Variants in FGD3 observed in about 807,000 individuals in gnomAD.
FGD3 encodes the protein FYVE, RhoGEF and PH domain containing 3, also known as FYVE, RhoGEF and PH domain-containing protein 3.
In FGD3, 45 loss-of-function variants were observed where a neutral mutation model predicts 71.8. That is an observed-to-expected ratio of 0.63 (90% CI 0.49 to 0.80). The LOEUF (loss-of-function observed/expected upper bound fraction) is 0.80. Ranked by LOEUF, FGD3 falls within the 30% of genes least tolerant of loss-of-function variation. FGD3 has a pLI of 0.00. For missense variants in FGD3, 844 were observed against 951.5 expected, an observed-to-expected ratio of 0.89 and a Z score of 1.49; for synonymous variants, 378 against 392.8, an observed-to-expected ratio of 0.96 and a Z score of 0.44.
intron 7 of FGD3, 30 bp from the exon 8 acceptor site, chr9:93,011,184 C>A (rs755633698): frequency 6.2e-7 from 1 of 1,613,358 alleles, no homozygotes; most frequent in South Asian, 1.1e-5. Flanking sequence ...CCACCGTGGC[C>A]CCAGGCTGAA....
intron 1 of FGD3, among the ~76,000 whole-genome samples, chr9:92,971,873 T>C (rs966643417): frequency 2.6e-5 from 4 of 151,804 alleles, no homozygotes; most frequent in African/African-American, 9.7e-5. Context: ...ATCAAGGTAA[T>C]GAATATGTGT....
chr9:92,954,846 G>T (rs751362061), intron 1 of FGD3, among the ~76,000 whole-genome samples: 39 of 152,192 alleles, frequency 2.6e-4, no homozygotes, highest in Non-Finnish European at 4.1e-4. Context: ...TAGGCTCTGA[G>T]TATCGTGGCC....
chr9:93,013,746 C>A, intron 8 of FGD3, 106 bp from the exon 9 acceptor site: 1 of 1,424,888 alleles, frequency 7.0e-7, no homozygotes, highest in Non-Finnish European at 9.8e-7. Flanking sequence ...TAGCTCATTG[C>A]CCTCTCTGGA....
chr9:92,970,839 A>G (rs923146207), intron 1 of FGD3, among the ~76,000 whole-genome samples: 4 of 152,360 alleles, frequency 2.6e-5, no homozygotes, highest in Admixed American at 1.3e-4. Flanking sequence ...AAGGCCAGGC[A>G]GTGGCCACAC....
intron 12 of FGD3, 144 bp from the exon 13 acceptor site, chr9:93,020,173 G>A: frequency 1.4e-6 from 1 of 736,744 alleles, no homozygotes. Context: ...TCATTGGTAG[G>A]GGGGAAGGGA....
chr9:93,006,299 T>C, intron 6 of FGD3, 119 bp downstream of exon 6: 1 of 1,147,284 alleles, frequency 8.7e-7, no homozygotes, highest in Non-Finnish European at 1.1e-6. Context: ...AACATGACAT[T>C]ACTAAAATTT....
chr9:93,015,923 C>G (rs1460488621), intron 10 of FGD3, 94 bp downstream of exon 10: 1 of 1,099,966 alleles, frequency 9.1e-7, no homozygotes, highest in African/African-American at 1.5e-5. Context: ...GCACTCACCT[C>G]TGTGCAGCCT....
In FGD3 at chr9:93,035,319, A is replaced by G. The variant is rs760136793; in HGVS notation, c.1927-19A>G. 1 of 1,603,492 alleles carries G rather than the reference A, an allele frequency of 6.2e-7. No individual in the cohort carries two copies. Among genetic ancestry groups the G allele is most frequent in the Non-Finnish European group, 8.5e-7 (1 of 1,174,576 alleles). On this transcript the variant is annotated intron_variant, in intron 17 of 17. Transcript: ENST00000375482. ...CCGGGAAGCTGTGGCCCCGCTGACC[A>G]TCTGCTCCTCTGCTGCAGGACGGCC...
intron 2 of FGD3, 93 bp downstream of exon 2, chr9:92,975,498 C>T (rs749550022): frequency 5.3e-5 from 8 of 152,246 alleles, no homozygotes; most frequent in Non-Finnish European, 1.0e-4. Flanking sequence ...ATGACAGTCT[C>T]CCTCTAGGCC....
At chr9:92,992,100 T>C (rs973630122) in intron 3 of FGD3, among the ~76,000 whole-genome samples, 2 of 152,226 alleles carry the variant, frequency 1.3e-5, no homozygotes, top group Admixed American at 1.3e-4. Flanking sequence ...TGTTAATCCA[T>C]TCAGCTAGTT....
intron 8 of FGD3, among the ~76,000 whole-genome samples, chr9:93,013,286 G>A (rs1458128285): frequency 1.3e-5 from 2 of 152,224 alleles, no homozygotes; most frequent in Non-Finnish European, 2.9e-5. Flanking sequence ...GGGCTTCCAA[G>A]GCACAGCAGG....
At chr9:92,999,566 T>C (rs1860779555) in intron 3 of FGD3, among the ~76,000 whole-genome samples, 1 of 151,844 alleles carries the variant, frequency 6.6e-6, no homozygotes, top group South Asian at 2.1e-4. Flanking sequence ...ACTGGAGCTT[T>C]TCCTATTCAG....
chr9:92,976,942 G>A (rs1048983972), intron 3 of FGD3, among the ~76,000 whole-genome samples: 16 of 152,222 alleles, frequency 1.1e-4, no homozygotes, highest in African/African-American at 3.9e-4. Flanking sequence ...CCTCAGTCCT[G>A]AGTCTCAGTT....
rs1859461702 is a variant in FGD3, at chr9:92,969,606, C to G, written c.-217-5632C>G. Among the ~76,000 whole-genome samples, 1 of 152,158 alleles carries G rather than the reference C, an allele frequency of 6.6e-6. No homozygotes were observed. Among genetic ancestry groups the G allele is most frequent in the Non-Finnish European group, 1.5e-5 (1 of 68,036 alleles). ...ACTCCAGCGACAGGACAAGGGAGGT[C>G]CCTGCCTACTAGGTTCCAGGCAGCA... On this transcript the variant is annotated intron_variant, in intron 1 of 17. Coordinates refer to ENST00000375482, the MANE Select transcript of FGD3 (RefSeq NM_001083536.2). This position sits in a 1 kb window ranked among gnomAD's most constrained non-coding sequence, Gnocchi z 4.5.
intron 3 of FGD3, among the ~76,000 whole-genome samples, chr9:92,977,661 C>A (rs1347827409): frequency 2.6e-5 from 4 of 152,058 alleles, no homozygotes; most frequent in Non-Finnish European, 5.9e-5. Flanking sequence ...GTTTGTCATC[C>A]TCAGTTTCCA....
intron 1 of FGD3, among the ~76,000 whole-genome samples, chr9:92,958,780 G>T (rs376438201): frequency 6.6e-6 from 1 of 152,096 alleles, no homozygotes; most frequent in Non-Finnish European, 1.5e-5. Context: ...TTTTGGTACG[G>T]CTATCTAAAT....
At chr9:92,999,587 AC>A (rs1299507424) in intron 3 of FGD3, among the ~76,000 whole-genome samples, 2 of 141,104 alleles carry the variant, frequency 1.4e-5, no homozygotes, top group Non-Finnish European at 3.1e-5. Context: ...CCATCTTGGA[AC>A]CTTTTTTTTT....
chr9:93,002,348 C>G (rs1331108584), intron 3 of FGD3, among the ~76,000 whole-genome samples: 1 of 152,140 alleles, frequency 6.6e-6, no homozygotes, highest in Non-Finnish European at 1.5e-5. Flanking sequence ...TTTTGGGAGG[C>G]TGAGGCGGGC....
At chr9:93,031,694 TAGC>T (rs1047059921) in intron 15 of FGD3, among the ~76,000 whole-genome samples, 6 of 152,162 alleles carry the variant, frequency 3.9e-5, no homozygotes, top group African/African-American at 1.4e-4. Context: ...CATGGTCCCT[TAGC>T]AGCCAGTGCC....
Sources: gnomAD v4.1 joint callset for allele counts (sites outside exome capture counted in the v4.1 genomes callset) on GRCh38, gnomAD v4.1.1 for gene constraint, Gnocchi (gnomAD v3.1) non-coding constraint, MANE v1.5 for transcripts, NCBI Gene and HGNC (gene_info 2026-07-23, HGNC 2026-07-21) for gene names.